The following DLL4 variants were observed in gnomAD, a reference collection of about 807,000 sequenced individuals.
The protein encoded by DLL4 is delta-like protein 4.
Under a neutral mutation model 73.6 loss-of-function variants are expected in DLL4, and 7 were observed. That is an observed-to-expected ratio of 0.10 (90% confidence interval 0.05 to 0.18). DLL4 has a LOEUF of 0.18. Ranked by LOEUF, DLL4 falls within the 10% of genes least tolerant of loss-of-function variation. The pLI, the probability that DLL4 is intolerant of heterozygous loss-of-function variation, is 1.00. For synonymous variants in DLL4, 345 were observed against 374.3 expected, an observed-to-expected ratio of 0.92 and a Z score of 0.90; for missense variants, 614 against 929.9, an observed-to-expected ratio of 0.66 and a Z score of 4.42.
chr15:40,938,609 A>T lies in DLL4; in HGVS notation c.*575A>T, dbSNP rs545156645. 1 of 152,634 alleles carries T rather than the reference A, an allele frequency of 6.6e-6. No homozygotes were observed. Among genetic ancestry groups the T allele is most frequent in the Non-Finnish European group, 1.5e-5 (1 of 68,180 alleles). 9.5% of individuals were successfully genotyped at this position (152,634 alleles called of 1,614,324 possible). On this transcript the variant is annotated 3_prime_UTR_variant, in exon 11 of 11. Coordinates refer to ENST00000249749, the MANE Select transcript of DLL4 (RefSeq NM_019074.4). ...TCTGCCCCATGCCTCCAACTACTGTATGCAGGCCTGGCTCTCTGGTCTAGG... is the reference window on the plus strand; with the variant it reads ...TCTGCCCCATGCCTCCAACTACTGTTTGCAGGCCTGGCTCTCTGGTCTAGG...
Position 40,936,802 on chromosome 15 carries a change from T to C in DLL4, c.1815T>C (p.Cys605=). 1.2e-6 allele frequency: 2 copies of C among 1,613,718 alleles called. No homozygotes were observed. Among genetic ancestry groups the C allele is most frequent in the Non-Finnish European group, 1.7e-6 (2 of 1,179,876 alleles). The change falls in exon 9 of 11, where the codon TGT becomes TGC. Residue 605 remains cysteine (C), a synonymous_variant. Coordinates refer to ENST00000249749, the MANE Select transcript of DLL4 (RefSeq NM_019074.4). ...ACTGTGGCCTGGACAAGTCCAACTG[T>C]GGCAAACAGCAAAACCACACATTGG... is the stretch of plus-strand genomic sequence containing the variant. ...EVDCGLDKSN[C]GKQQNHTLDY...
rs776556363 is a variant in DLL4 at position 40,930,053 on chromosome 15, C to T, written c.273C>T (p.Val91=). 9.3e-6 allele frequency: 15 copies of T among 1,612,674 alleles called. No homozygotes were observed. The highest frequency in any genetic ancestry group is 1.3e-5 in the Non-Finnish European group (15 of 1,179,646). ...TPVLGTNSFA[V]RDDSSGGGRN... ...TATTGGGCACCAACTCCTTCGCTGT[C>T]CGGGACGACAGTAGCGGCGGGGGGC... The change falls in exon 2 of 11, where the codon GTC becomes GTT. Residue 91 remains valine, a synonymous_variant. Transcript: ENST00000249749. This position sits in a 1 kb window ranked among gnomAD's most constrained non-coding sequence, Gnocchi z 5.7.
chr15:40,929,580 C>T lies in DLL4; in HGVS notation c.-89C>T. The T allele has an allele frequency of 7.8e-7, 1 of 1,274,030 alleles. No individual in the cohort carries two copies. Among genetic ancestry groups the T allele is most frequent in the South Asian group, 1.5e-5 (1 of 64,826 alleles). 78.9% of individuals were successfully genotyped at this position (1,274,030 alleles called of 1,614,324 possible). A position where few individuals can be genotyped will look rare whatever the true frequency, so the allele number is the denominator to read the frequency against. ...CGAGAGGAGCGCCTCTTTTCAGGGA[C>T]CCCGCCGGCTGGCGGACGCGCGGGA... On this transcript the variant is annotated 5_prime_UTR_variant, in exon 1 of 11. Coordinates refer to ENST00000249749, the MANE Select transcript of DLL4 (RefSeq NM_019074.4). This position sits in a 1 kb window ranked among gnomAD's most constrained non-coding sequence, Gnocchi z 7.1.
chr15:40,932,858 G>A (rs957037037), intron 6 of DLL4, among the ~76,000 whole-genome samples: 2 of 152,196 alleles, frequency 1.3e-5, no homozygotes, highest in African/African-American at 4.8e-5. Flanking sequence ...CAGCTGTCCG[G>A]TGGGGTGTGC....
Position 40,929,989 on chromosome 15 carries a change from C to T in DLL4, c.209C>T (p.Ser70Leu), listed in dbSNP as rs973096955. ...CTTAAGCACTTCCAGGCGGTCGTCT[C>T]GCCCGGACCCTGCACCTTCGGGACC... ...VCLKHFQAVV[S>L]PGPCTFGTVS... Residue 70 changes from serine (S) to leucine (L), a missense_variant, in exon 2 of 11, where the codon TCG becomes TTG. Around this residue, in one of 3 missense-constraint regions of DLL4, gnomAD observed 227 missense variants for 370.8 expected, o/e 0.61. Transcript: ENST00000249749. The surrounding 1 kb of genome is among the most constrained non-coding windows in gnomAD (Gnocchi z 7.1). 23 of 1,613,034 alleles carry T rather than the reference C, an allele frequency of 1.4e-5. No individual in the cohort carries two copies. Among genetic ancestry groups the T allele is most frequent in the Non-Finnish European group, 1.9e-5 (23 of 1,179,734 alleles).
chr15:40,930,977 A>G lies in DLL4; in HGVS notation c.394+295A>G, dbSNP rs1273591943. On this transcript the variant is annotated intron_variant, in intron 3 of 10. Transcript: ENST00000249749. This position sits in a 1 kb window ranked among gnomAD's most constrained non-coding sequence, Gnocchi z 5.7. ...TTCCTGTATTTTACACCTTTCGCGA[A>G]TTCCGCTCCTTTGGAAAGGGAATAA... 5.7e-6 allele frequency: 3 copies of G among 529,418 alleles called. No individual in the cohort carries two copies. The highest frequency in any genetic ancestry group is 1.0e-5 in the Non-Finnish European group (3 of 298,280). The allele number at this position is 529,418 out of a possible 1,614,324, so 32.8% of individuals were successfully genotyped here.
chr15:40,937,878 T>G, intron 10 of DLL4, 151 bp from the exon 11 acceptor site: 1 of 848,182 alleles, frequency 1.2e-6, no homozygotes, highest in Non-Finnish European at 1.8e-6. Flanking sequence ...CAGGCCCGTG[T>G]GTGTGTTGGG....
intron 9 of DLL4, among the ~76,000 whole-genome samples, 163 bp from the exon 10 acceptor site, chr15:40,937,255 C>T (rs1185490370): frequency 6.6e-6 from 1 of 152,142 alleles, no homozygotes; most frequent in Non-Finnish European, 1.5e-5. Context: ...TCTTAGGGGC[C>T]TTTTCCTAAG....
In DLL4 at chr15:40,936,371, C is replaced by A; in HGVS notation, c.1384C>A (p.Leu462Ile). 1 of 1,611,468 alleles carries A rather than the reference C, an allele frequency of 6.2e-7. No individual in the cohort carries two copies. The highest frequency in any genetic ancestry group is 1.1e-5 in the South Asian group (1 of 90,682). The change falls in exon 9 of 11, where the codon CTC becomes ATC. Residue 462 changes from leucine (L) to isoleucine (I), a missense_variant. By Grantham distance (5) the Leu-to-Ile change is conservative (BLOSUM62 2). This residue lies in a region of DLL4 where 386 missense variants were observed against 541.3 expected (regional missense o/e 0.71). Transcript: ENST00000249749. ...GGTCHDLENGLMCTCPAGFSG... is the reference protein window; with the variant it reads ...GGTCHDLENGIMCTCPAGFSG... ...CACTTGCCATGACCTGGAGAATGGG[C>A]TCATGTGCACCTGCCCTGCCGGCTT...
intron 9 of DLL4, 58 bp from the exon 10 acceptor site, chr15:40,937,360 C>T: frequency 8.1e-7 from 1 of 1,238,654 alleles, no homozygotes; most frequent in Non-Finnish European, 1.2e-6. Flanking sequence ...CCAGGGTCCT[C>T]CCTCCCCCCA....
intron 9 of DLL4, 71 bp downstream of exon 9, chr15:40,937,001 C>A: frequency 7.5e-7 from 1 of 1,333,810 alleles, no homozygotes; most frequent in Non-Finnish European, 1.0e-6. Flanking sequence ...TCCTCTTAGG[C>A]CAGGCGGGAA....
At chr15:40,935,847 T>A (rs774180441) in intron 8 of DLL4, among the ~76,000 whole-genome samples, 2 of 152,232 alleles carry the variant, frequency 1.3e-5, no homozygotes, top group Non-Finnish European at 2.9e-5. Flanking sequence ...TTCATGTACC[T>A]TCCCGGCTAT....
rs1892745904 is a variant in DLL4 at position 40,930,218 on chromosome 15, C to T, written c.336+102C>T. 4 of 1,390,444 alleles carry T rather than the reference C, an allele frequency of 2.9e-6. No homozygotes were observed. Among genetic ancestry groups the T allele is most frequent in the Non-Finnish European group, 3.9e-6 (4 of 1,028,544 alleles). 86.1% of individuals were successfully genotyped at this position (1,390,444 alleles called of 1,614,324 possible). A position where few individuals can be genotyped will look rare whatever the true frequency, so the allele number is the denominator to read the frequency against. ...AGATTTCCTTGTACACACACCCCCACCCCCAAAAAGCCCAGGATGCATTCT... is the reference window on the plus strand; with the variant it reads ...AGATTTCCTTGTACACACACCCCCATCCCCAAAAAGCCCAGGATGCATTCT... On this transcript the variant is annotated intron_variant, in intron 2 of 10. Coordinates refer to ENST00000249749, the MANE Select transcript of DLL4 (RefSeq NM_019074.4). This position sits in a 1 kb window ranked among gnomAD's most constrained non-coding sequence, Gnocchi z 5.7.
rs1892878759 is a variant in DLL4, at chr15:40,938,699, C to G, written c.*665C>G. ...CCCTCTGGCCCTGGGCTTCTGTAAG[C>G]AGACAGGCAGAGGGCCTGCCCCTCC... On this transcript the variant is annotated 3_prime_UTR_variant, in exon 11 of 11. Coordinates refer to ENST00000249749, the MANE Select transcript of DLL4 (RefSeq NM_019074.4). 6.6e-6 allele frequency: 1 copy of G among 152,620 alleles called. No homozygotes were observed. Among genetic ancestry groups the G allele is most frequent in the African/African-American group, 2.4e-5 (1 of 41,460 alleles). 9.5% of individuals were successfully genotyped at this position (152,620 alleles called of 1,614,324 possible).
At chr15:40,933,058 C>A (rs912590854) in intron 6 of DLL4, among the ~76,000 whole-genome samples, 1 of 152,238 alleles carries the variant, frequency 6.6e-6, no homozygotes, top group Non-Finnish European at 1.5e-5. Context: ...CAGCCCCAAC[C>A]TTGGGGGAGG....
At chr15:40,933,290 GTGT>G (rs995979062) in intron 6 of DLL4, among the ~76,000 whole-genome samples, 2 of 151,896 alleles carry the variant, frequency 1.3e-5, no homozygotes, top group African/African-American at 4.8e-5. Flanking sequence ...GTGTGTGTGT[GTGT>G]GTGTGTCTGT....
At chr15:40,936,041 C>G (rs917407857) in intron 8 of DLL4, among the ~76,000 whole-genome samples, 187 bp from the exon 9 acceptor site, 1 of 152,224 alleles carries the variant, frequency 6.6e-6, no homozygotes, top group African/African-American at 2.4e-5. Context: ...ATACATGAGC[C>G]CACTGAGGCC....
In DLL4 at chr15:40,938,093, T is replaced by G; in HGVS notation, c.*59T>G. ...CCGCGGCTGGACCTTCCTTCTGCAT[T>G]GTTTACATTGCATCCTGGATGGGAC... is the stretch of plus-strand genomic sequence containing the variant. On this transcript the variant is annotated 3_prime_UTR_variant, in exon 11 of 11. Transcript: ENST00000249749. 2 of 1,488,258 alleles carry G rather than the reference T, an allele frequency of 1.3e-6. No individual in the cohort carries two copies. Among genetic ancestry groups the G allele is most frequent in the Non-Finnish European group, 8.9e-7 (1 of 1,118,962 alleles). 92.2% of individuals were successfully genotyped at this position (1,488,258 alleles called of 1,614,324 possible).
At position 40,934,567 on chromosome 15, in the gene DLL4, C is replaced by T. The variant is rs1892816340; in HGVS notation, c.870C>T (p.His290=). The T allele has an allele frequency of 2.5e-6, 4 of 1,613,808 alleles. No homozygotes were observed. The East Asian group carries it at 8.9e-5, about 36-fold the overall frequency. ...FCDQDLNYCT[H]HSPCKNGATC... ...CTGCAGATCTCAACTACTGCACCCA[C>T]CACTCCCCATGCAAGAATGGGGCAA... is the stretch of plus-strand genomic sequence containing the variant. Residue 290 remains histidine (H), a synonymous_variant, in exon 7 of 11, where the codon CAC becomes CAT. Coordinates refer to ENST00000249749, the MANE Select transcript of DLL4 (RefSeq NM_019074.4).
Sources: allele counts gnomAD v4.1 joint callset (sites outside exome capture counted in the v4.1 genomes callset), GRCh38; gene constraint gnomAD v4.1.1; regional missense constraint gnomAD v4.1.1; non-coding constraint Gnocchi (gnomAD v3.1); transcripts MANE v1.5; gene names NCBI Gene and HGNC (gene_info 2026-07-23, HGNC 2026-07-21).